The following ETS1 variants were observed in gnomAD, a reference collection of about 807,000 sequenced individuals.
ETS1 encodes the protein ETS proto-oncogene 1, transcription factor, also known as protein C-ets-1.
Under a neutral mutation model 58.6 loss-of-function variants are expected in ETS1, and 15 were observed. The ratio of observed to expected loss-of-function variants is 0.26; its 90% CI spans 0.17 to 0.39. ETS1 has a LOEUF of 0.39. Ranked by LOEUF, ETS1 falls within the 10% of genes least tolerant of loss-of-function variation. The pLI is 1.00. For synonymous variants in ETS1, 214 were observed against 218.2 expected, an observed-to-expected ratio of 0.98 and a Z score of 0.17; for missense variants, 417 against 610.5, an observed-to-expected ratio of 0.68 and a Z score of 3.34.
intron 2 of ETS1, among the ~76,000 whole-genome samples, chr11:128,559,463 A>C (rs1380080617): frequency 6.6e-6 from 1 of 152,212 alleles, no homozygotes; most frequent in Non-Finnish European, 1.5e-5. Context: ...TCTTCTGCCC[A>C]CAGCTGGGCT....
intron 5 of ETS1, among the ~76,000 whole-genome samples, chr11:128,488,910 G>A (rs550509813): frequency 1.8e-3 from 278 of 152,262 alleles, no homozygotes; most frequent in Non-Finnish European, 3.5e-3. Flanking sequence ...TCAAGGCAGT[G>A]TGTATTAAGA....
chr11:128,499,602 G>A (rs1459865689), intron 3 of ETS1, among the ~76,000 whole-genome samples: 3 of 152,106 alleles, frequency 2.0e-5, no homozygotes, highest in Admixed American at 6.5e-5. Flanking sequence ...AAGCAAATGA[G>A]GCAAAAATGA....
At chr11:128,539,189 A>T (rs10750400) in intron 3 of ETS1, among the ~76,000 whole-genome samples, 1 of 152,062 alleles carries the variant, frequency 6.6e-6, no homozygotes, top group South Asian at 2.1e-4. Flanking sequence ...ACAAAGAAAA[A>T]ATAGATAAAT....
At chr11:128,518,313 C>T (rs774899987) in intron 3 of ETS1, among the ~76,000 whole-genome samples, 1 of 152,234 alleles carries the variant, frequency 6.6e-6, no homozygotes, top group Non-Finnish European at 1.5e-5. Flanking sequence ...GTACATAACA[C>T]AGCCACCTTA....
At chr11:128,552,745 CA>C (rs1489004844) in intron 3 of ETS1, among the ~76,000 whole-genome samples, 2 of 152,084 alleles carry the variant, frequency 1.3e-5, no homozygotes, top group African/African-American at 4.8e-5. Flanking sequence ...CCTGTGTGCT[CA>C]GCTGGGTCTC....
chr11:128,483,919 C>T (rs1862556289), intron 7 of ETS1, among the ~76,000 whole-genome samples: 2 of 152,148 alleles, frequency 1.3e-5, no homozygotes, highest in East Asian at 1.9e-4. Context: ...TCCCATTTAC[C>T]CACCAGAAAA....
Position 128,584,987 on chromosome 11 carries a change from A to AAAGAAAGAAAGAAAGAAAGGAAAGAAAGG in ETS1, c.-15+2500_-15+2501insCCTTTCTTTCCTTTCTTTCTTTCTTTCTT, listed in dbSNP as rs1344750707. Among the ~76,000 whole-genome samples the AAAGAAAGAAAGAAAGAAAGGAAAGAAAGG allele has an allele frequency of 1.4e-4, 7 of 51,224 alleles. 1 individual carries two copies. The highest frequency in any genetic ancestry group is 6.3e-4 in the African/African-American group (6 of 9,546). 33.6% of individuals were successfully genotyped at this position (51,224 alleles called of 152,430 possible). A position where few individuals can be genotyped will look rare whatever the true frequency, so the allele number is the denominator to read the frequency against. Reference sequence around the variant, plus strand: ...GAAAGAAAGAAAGAAAGAAAGAAAGAAAGGAAGGAAGGAAGGAAAGAAAGG... The same window carrying AAAGAAAGAAAGAAAGAAAGGAAAGAAAGG: ...GAAAGAAAGAAAGAAAGAAAGAAAGAAAGAAAGAAAGAAAGAAAGGAAAGAAAGGAAGGAAGGAAGGAAGGAAAGAAAGG... On this transcript the variant is annotated intron_variant, in intron 1 of 9. Transcript: ENST00000392668.
intron 3 of ETS1, among the ~76,000 whole-genome samples, chr11:128,496,750 A>T (rs952804159): frequency 6.6e-6 from 1 of 152,204 alleles, no homozygotes; most frequent in Non-Finnish European, 1.5e-5. Context: ...GGGAGTGGTA[A>T]GTGATTCCTG....
intron 7 of ETS1, among the ~76,000 whole-genome samples, chr11:128,482,591 C>A (rs1862516473): frequency 6.6e-6 from 1 of 152,206 alleles, no homozygotes; most frequent in Non-Finnish European, 1.5e-5. Context: ...GAGGCAAATG[C>A]AACCCTGTTG....
In ETS1 at chr11:128,573,086, G is replaced by A. The variant is rs1365356832; in HGVS notation, c.45C>T (p.Tyr15=). 7 of 1,604,022 alleles carry A rather than the reference G, an allele frequency of 4.4e-6. No homozygotes were observed. The highest frequency in any genetic ancestry group is 6.0e-6 in the Non-Finnish European group (7 of 1,175,452). The change falls in exon 2 of 10, where the codon TAC becomes TAT. Residue 15 remains tyrosine, a synonymous_variant. Transcript: ENST00000392668. ...VDSAGSSPVP[Y]SAPRPAVVRQ... is the part of the protein sequence containing the mutation. The stretch of plus-strand genomic sequence containing the variant: ...CCACCACTGCAGGACGAGGCGCTGA[G>A]TAAGGGACGGGGCTGCTCCCAGCAG...
At chr11:128,542,437 GA>G (rs1864070791) in intron 3 of ETS1, among the ~76,000 whole-genome samples, 1 of 152,142 alleles carries the variant, frequency 6.6e-6, no homozygotes, top group Non-Finnish European at 1.5e-5. Flanking sequence ...TCACCAGGCT[GA>G]CTCTTCTACT....
chr11:128,500,522 G>A (rs1027771831), intron 3 of ETS1, among the ~76,000 whole-genome samples: 8 of 151,846 alleles, frequency 5.3e-5, no homozygotes, highest in Non-Finnish European at 5.9e-5. Context: ...CACATGTCTC[G>A]GTGCTACAGA....
intron 3 of ETS1, among the ~76,000 whole-genome samples, chr11:128,534,898 T>A (rs1283946606): frequency 1.3e-5 from 2 of 152,224 alleles, no homozygotes; most frequent in Admixed American, 6.5e-5. Context: ...CGCGTGCATG[T>A]TATCTTTATA....
chr11:128,546,824 T>C (rs1179321549), intron 3 of ETS1, among the ~76,000 whole-genome samples: 2 of 152,078 alleles, frequency 1.3e-5, no homozygotes, highest in Admixed American at 6.5e-5. Flanking sequence ...CTATATGACA[T>C]AAGGATGCTG....
At chr11:128,554,141 G>T (rs1015945075) in intron 3 of ETS1, among the ~76,000 whole-genome samples, 3 of 152,102 alleles carry the variant, frequency 2.0e-5, no homozygotes, top group Non-Finnish European at 2.9e-5. Context: ...CCTTCGTCTG[G>T]GAAGCTCAAA....
intron 3 of ETS1, among the ~76,000 whole-genome samples, chr11:128,492,791 C>A (rs186593076): frequency 6.8e-4 from 103 of 151,740 alleles, no homozygotes; most frequent in African/African-American, 2.3e-3. Flanking sequence ...GAGTAGAAAT[C>A]AGTTTTACTT....
intron 3 of ETS1, among the ~76,000 whole-genome samples, chr11:128,541,017 G>A (rs138267044): frequency 4.9e-4 from 74 of 152,298 alleles, no homozygotes; most frequent in Admixed American, 1.0e-3. Flanking sequence ...TGCCAACTAA[G>A]TTTGGATGAA....
Position 128,463,656 on chromosome 11 carries a change from A to G in ETS1, c.1124-29T>C. ...GAAACACAAGCCATTGTGAATCATT[A>G]CACCAGATATTCAGCACTCTACGCA... On this transcript the variant is annotated intron_variant, in intron 8 of 9. Transcript: ENST00000392668. This position sits in a 1 kb window ranked among gnomAD's most constrained non-coding sequence, Gnocchi z 4.1. 2 of 1,239,618 alleles carry G rather than the reference A, an allele frequency of 1.6e-6. No homozygotes were observed. The highest frequency in any genetic ancestry group is 2.4e-6 in the Non-Finnish European group (2 of 838,540). 76.8% of individuals were successfully genotyped at this position (1,239,618 alleles called of 1,614,324 possible). A position where few individuals can be genotyped will look rare whatever the true frequency, so the allele number is the denominator to read the frequency against.
intron 1 of ETS1, among the ~76,000 whole-genome samples, chr11:128,577,971 C>T (rs1370625095): frequency 6.6e-6 from 1 of 151,132 alleles, no homozygotes; most frequent in African/African-American, 2.4e-5. Flanking sequence ...CCCTCATCAC[C>T]CTGGATGGCG....
Sources: allele counts gnomAD v4.1 joint callset (sites outside exome capture counted in the v4.1 genomes callset), GRCh38; gene constraint gnomAD v4.1.1; non-coding constraint Gnocchi (gnomAD v3.1); transcripts MANE v1.5; gene names NCBI Gene and HGNC (gene_info 2026-07-23, HGNC 2026-07-21).